POLQ: variants seen among roughly 807,000 people sequenced by gnomAD.
The protein encoded by POLQ is DNA polymerase theta.
Under a neutral mutation model 259.2 loss-of-function variants are expected in POLQ, and 233 were observed. The observed-to-expected ratio is 0.90, with a 90% CI of 0.81 to 1.00. POLQ has a LOEUF of 1.00. Among genes scored for constraint, POLQ ranks in the 50% least tolerant of loss-of-function variants. The pLI is 0.00. For synonymous variants in POLQ, 1,025 were observed against 1,048.8 expected (o/e 0.98, Z 0.44); for missense variants, 2,871 against 3,051.6 (o/e 0.94, Z 1.39).
At chr3:121,447,147 A>C in intron 26 of POLQ, among the ~76,000 whole-genome samples, 1 of 145,306 alleles carries the variant, frequency 6.9e-6, no homozygotes, top group Admixed American at 6.9e-5. Context: ...TTACCATGAG[A>C]CTTGCAAATA....
intron 2 of POLQ, among the ~76,000 whole-genome samples, chr3:121,544,090 C>T (rs2108823607): frequency 6.6e-6 from 1 of 152,228 alleles, no homozygotes; most frequent in Non-Finnish European, 1.5e-5. Context: ...CACGGTGACT[C>T]ACACCTATAA....
rs748392252 is a variant in POLQ, at chr3:121,545,881, A to G, written c.-4T>C. 1.9e-6 allele frequency: 3 copies of G among 1,613,590 alleles called. No individual in the cohort carries two copies. Among genetic ancestry groups the G allele is most frequent in the Non-Finnish European group, 2.5e-6 (3 of 1,179,950 alleles). On this transcript the variant is annotated 5_prime_UTR_variant, in exon 1 of 30. Transcript: ENST00000264233. ...CACTCCGACGCAGAAGATTCATGGC[A>G]AACTCTTCTCGGCCGATCAGGGCAA...
Position 121,487,297 on chromosome 3 carries a change from C to A in POLQ, c.5629+5G>T, listed in dbSNP as rs1403675440. On this transcript the variant is annotated splice_donor_5th_base_variant and intron_variant, in intron 16 of 29. Transcript: ENST00000264233. ...ATGAAAAAATAAAATTAAAAAAATT[C>A]TTACCTTGCTTAAACCTACTGCCAA... 1.3e-6 allele frequency: 2 copies of A among 1,509,220 alleles called. No homozygotes were observed. Among genetic ancestry groups the A allele is most frequent in the African/African-American group, 2.8e-5 (2 of 71,260 alleles). The allele number at this position is 1,509,220 out of a possible 1,614,324, so 93.5% of individuals were successfully genotyped here. A position where few individuals can be genotyped will look rare whatever the true frequency, so the allele number is the denominator to read the frequency against.
intron 14 of POLQ, 136 bp from the exon 15 acceptor site, chr3:121,493,857 T>G: frequency 1.4e-6 from 1 of 725,342 alleles, no homozygotes; most frequent in Non-Finnish European, 2.2e-6. Flanking sequence ...AGGTGTAAGT[T>G]AACAAGGGAG....
At chr3:121,496,081 C>A (rs1241022106) in intron 14 of POLQ, among the ~76,000 whole-genome samples, 1 of 151,684 alleles carries the variant, frequency 6.6e-6, no homozygotes, top group Admixed American at 6.6e-5. Flanking sequence ...TTAAGGCAGA[C>A]CAGTGGTTCC....
At chr3:121,465,397 T>TA (rs1350321452) in intron 24 of POLQ, among the ~76,000 whole-genome samples, 1 of 152,164 alleles carries the variant, frequency 6.6e-6, no homozygotes, top group Non-Finnish European at 1.5e-5. Flanking sequence ...TTGTGAGAAA[T>TA]ACTTTTGAGT....
intron 8 of POLQ, among the ~76,000 whole-genome samples, chr3:121,521,092 T>C (rs2048332938): frequency 6.6e-6 from 1 of 152,186 alleles, no homozygotes; most frequent in Non-Finnish European, 1.5e-5. Context: ...TATAGTAGTT[T>C]TCCCCCATCT....
At chr3:121,494,963 C>CAAA (rs35833957) in intron 14 of POLQ, 132 of 538,944 alleles carry the variant, frequency 2.4e-4, no homozygotes, top group Middle Eastern at 5.3e-4. Context: ...TACAAATTTT[C>CAAA]AAAAAAAAAA....
intron 12 of POLQ, among the ~76,000 whole-genome samples, chr3:121,501,946 C>T (rs2048173706): frequency 6.7e-6 from 1 of 148,472 alleles, no homozygotes; most frequent in African/African-American, 2.5e-5. Context: ...GCAGAGACTG[C>T]ACCACCGCAC....
At chr3:121,442,031 C>T (rs6806191) in intron 26 of POLQ, among the ~76,000 whole-genome samples, 120,230 of 152,118 alleles carry the variant, frequency 0.79, 47,638 homozygotes, top group East Asian at 0.89. Context: ...TTTATCGGAT[C>T]GTCTAGCTTC....
At chr3:121,472,360 A>C (rs1239870144) in intron 21 of POLQ, among the ~76,000 whole-genome samples, 196 bp from the exon 22 acceptor site, 1 of 152,234 alleles carries the variant, frequency 6.6e-6, no homozygotes, top group Non-Finnish European at 1.5e-5. Flanking sequence ...AAATGTGGTA[A>C]TACTGAGCAG....
chr3:121,520,262 G>T (rs180880192), intron 8 of POLQ, among the ~76,000 whole-genome samples, 179 bp from the exon 9 acceptor site: 1 of 152,116 alleles, frequency 6.6e-6, no homozygotes. Context: ...CTGGCCGGGC[G>T]CGGTGGCTCA....
In POLQ at chr3:121,474,004, G is replaced by A. The variant is rs1320407675; in HGVS notation, c.6406-517C>T. 3.9e-5 allele frequency among the ~76,000 whole-genome samples: 6 copies of A among 152,252 alleles called. No homozygotes were observed. The East Asian group carries it at 5.8e-4, about 15-fold the overall frequency. On this transcript the variant is annotated intron_variant, in intron 20 of 29. Coordinates refer to ENST00000264233, the MANE Select transcript of POLQ (RefSeq NM_199420.4). ...AGCCTCCCAAAGTGGTGGGATTATCGGCATGAGCCACCACACACAGCCAGC... is the reference window on the plus strand; with the variant it reads ...AGCCTCCCAAAGTGGTGGGATTATCAGCATGAGCCACCACACACAGCCAGC...
intron 12 of POLQ, among the ~76,000 whole-genome samples, chr3:121,509,091 T>C (rs1243758987): frequency 6.6e-6 from 1 of 152,198 alleles, no homozygotes; most frequent in African/African-American, 2.4e-5. Context: ...TTCCTAAACT[T>C]GTTTTGTTTT....
intron 25 of POLQ, among the ~76,000 whole-genome samples, chr3:121,458,886 C>CCACA (rs532654692): frequency 6.6e-6 from 1 of 151,838 alleles, no homozygotes; most frequent in Non-Finnish European, 1.5e-5. Flanking sequence ...CCTCACCTCT[C>CCACA]CACACACACA....
At chr3:121,493,393 ATAACTT>A (rs1251097585) in intron 15 of POLQ, 79 bp downstream of exon 15, 5 of 1,014,536 alleles carry the variant, frequency 4.9e-6, no homozygotes, top group Non-Finnish European at 7.1e-6. Flanking sequence ...TAAGAGAAAA[ATAACTT>A]TAATACATTA....
At position 121,493,628 on chromosome 3, in the gene POLQ, C is replaced by A; in HGVS notation, c.2372G>T (p.Arg791Met). 1 of 1,614,086 alleles carries A rather than the reference C, an allele frequency of 6.2e-7. No homozygotes were observed. The highest frequency in any genetic ancestry group is 8.5e-7 in the Non-Finnish European group (1 of 1,179,996). The change falls in exon 15 of 30, where the codon AGG (arginine) becomes ATG (methionine). Residue 791 changes from arginine (R) to methionine (M), a missense_variant. Arg to Met is a moderately conservative substitution (Grantham distance 91). Transcript: ENST00000264233. ...FQKRLTFGIQ[R>M]ELCDLVRVSL... ...TACCCGAACCAGGTCACACAGCTCC[C>A]TCTGGATGCCAAACGTAAGACGCTT...
intron 2 of POLQ, among the ~76,000 whole-genome samples, chr3:121,542,985 C>T (rs1560110974): frequency 7.0e-6 from 1 of 143,870 alleles, no homozygotes; most frequent in African/African-American, 2.6e-5. Flanking sequence ...AAAACTCCAT[C>T]AAAAAAAAAA....
At chr3:121,450,327 A>T (rs1379458950) in intron 25 of POLQ, among the ~76,000 whole-genome samples, 1 of 151,194 alleles carries the variant, frequency 6.6e-6, no homozygotes, top group African/African-American at 2.4e-5. Flanking sequence ...GTCTACCCCC[A>T]CCCCCAAGTT....
Sources: allele counts gnomAD v4.1 joint callset (sites outside exome capture counted in the v4.1 genomes callset), GRCh38; gene constraint gnomAD v4.1.1; transcripts MANE v1.5; gene names NCBI Gene and HGNC (gene_info 2026-07-23, HGNC 2026-07-21).